The following WWOX variants were observed in gnomAD, a reference collection of about 807,000 sequenced individuals.
WWOX encodes the protein WW domain containing oxidoreductase.
In WWOX, 69 loss-of-function variants were observed where a neutral mutation model predicts 46.2. The observed-to-expected ratio is 1.49, with a 90% CI of 1.23 to 1.82. WWOX has a LOEUF of 1.82. Ranked by LOEUF, WWOX falls within the 40% of genes most tolerant of loss-of-function variation. The pLI is 0.00. For synonymous variants in WWOX, 359 were observed against 202.6 expected (o/e 1.77, Z -6.56); for missense variants, 919 against 542.6 (o/e 1.69, Z -6.89).
intron 6 of WWOX, among the ~76,000 whole-genome samples, chr16:78,404,129 G>T (rs1461364222): frequency 6.6e-6 from 1 of 152,088 alleles, no homozygotes; most frequent in Admixed American, 6.6e-5. Context: ...TAAGCAAATG[G>T]TACCTAAATG....
At chr16:78,893,060 G>T (rs150801870) in intron 8 of WWOX, among the ~76,000 whole-genome samples, 1 of 152,156 alleles carries the variant, frequency 6.6e-6, no homozygotes, top group Non-Finnish European at 1.5e-5. Context: ...CGTGAGGTCA[G>T]AGGAGCACTG....
At chr16:78,643,602 C>G (rs1430689299) in intron 8 of WWOX, among the ~76,000 whole-genome samples, 4 of 152,134 alleles carry the variant, frequency 2.6e-5, no homozygotes, top group East Asian at 3.9e-4. Flanking sequence ...TAATCAGCCA[C>G]GCGCTGAATC....
intron 4 of WWOX, among the ~76,000 whole-genome samples, chr16:78,134,182 A>G (rs928470202): frequency 2.0e-5 from 3 of 152,226 alleles, no homozygotes; most frequent in African/African-American, 7.2e-5. Flanking sequence ...TAGAGTCAAC[A>G]TGCTAGCAGG....
chr16:79,054,693 C>T (rs1390515799), intron 8 of WWOX, among the ~76,000 whole-genome samples: 3 of 151,936 alleles, frequency 2.0e-5, no homozygotes, highest in East Asian at 1.9e-4. Context: ...GGCGTGGTGT[C>T]GTGTGTCTGT....
At chr16:78,913,148 A>G (rs899481832) in intron 8 of WWOX, among the ~76,000 whole-genome samples, 1 of 152,004 alleles carries the variant, frequency 6.6e-6, no homozygotes, top group Non-Finnish European at 1.5e-5. Context: ...GATTTCGATC[A>G]TGGCAGTTGC....
intron 5 of WWOX, among the ~76,000 whole-genome samples, chr16:78,314,674 C>T (rs907723205): frequency 6.8e-6 from 1 of 148,116 alleles, no homozygotes. Flanking sequence ...ACAGGCACAC[C>T]CCACCCTGCA....
Position 78,362,609 on chromosome 16 carries a change from C to T in WWOX, c.517-24251C>T, listed in dbSNP as rs556171446. ...GGGCAATGGAGCAAGACTCTATCTA[C>T]CCCCCACCCTGCAAAAAAAGAAAAG... is the stretch of plus-strand genomic sequence containing the variant. On this transcript the variant is annotated intron_variant, in intron 5 of 8. Coordinates refer to ENST00000566780, the MANE Select transcript of WWOX (RefSeq NM_016373.4). Among the ~76,000 whole-genome samples the T allele has an allele frequency of 2.6e-5, 4 of 151,818 alleles. No individual in the cohort carries two copies. In the South Asian group the frequency reaches 8.3e-4, roughly 32 times the overall value.
Position 78,343,350 on chromosome 16 carries a change from C to T in WWOX, c.517-43510C>T, listed in dbSNP as rs532518934. 2.5e-5 allele frequency among the ~76,000 whole-genome samples: 3 copies of T among 121,452 alleles called. 1 individual carries two copies. The highest frequency in any genetic ancestry group is 1.9e-4 in the East Asian group (1 of 5,180). The allele number at this position is 121,452 out of a possible 152,430, so 79.7% of individuals were successfully genotyped here. On this transcript the variant is annotated intron_variant, in intron 5 of 8. Coordinates refer to ENST00000566780, the MANE Select transcript of WWOX (RefSeq NM_016373.4). ...CCTACTTGCTTCTAGGCACATTAAA[C>T]GGTCAGTGCACAGGTCCTCATTTTT... is the stretch of plus-strand genomic sequence containing the variant.
At chr16:78,526,822 G>A (rs538664845) in intron 8 of WWOX, among the ~76,000 whole-genome samples, 2 of 152,278 alleles carry the variant, frequency 1.3e-5, no homozygotes, top group South Asian at 2.1e-4. Context: ...GTGATCTTGA[G>A]GGGGGTCTGG....
chr16:78,197,085 G>A (rs75166809), intron 5 of WWOX, among the ~76,000 whole-genome samples: 5,829 of 152,234 alleles, frequency 0.038, 185 homozygotes, highest in East Asian at 0.17. Flanking sequence ...CACCAGACTC[G>A]TATCAGCCAC....
intron 8 of WWOX, among the ~76,000 whole-genome samples, chr16:78,931,468 C>T (rs573462954): frequency 6.6e-6 from 1 of 152,166 alleles, no homozygotes; most frequent in South Asian, 2.1e-4. Context: ...TCTGCATAGT[C>T]AGCAGATTTT....
rs1048033956 is a variant in WWOX, at chr16:78,899,808, C to T, written c.1057-311800C>T. ...AAAATCTTTTATATTTGTGTTGTAG[C>T]TTGGAAAACTAGCGCGTGGTCTGTT... On this transcript the variant is annotated intron_variant, in intron 8 of 8. Coordinates refer to ENST00000566780, the MANE Select transcript of WWOX (RefSeq NM_016373.4). 1.4e-4 allele frequency among the ~76,000 whole-genome samples: 21 copies of T among 152,154 alleles called. 1 individual carries two copies. Among genetic ancestry groups the T allele is most frequent in the Admixed American group, 1.2e-3 (19 of 15,270 alleles).
At chr16:78,970,471 C>G (rs140858056) in intron 8 of WWOX, among the ~76,000 whole-genome samples, 121 of 152,264 alleles carry the variant, frequency 7.9e-4, no homozygotes, top group African/African-American at 2.4e-3. Context: ...ATTTGGGGAA[C>G]CTGGTACTAC....
intron 5 of WWOX, among the ~76,000 whole-genome samples, chr16:78,343,636 G>GTATT (rs1286647491): frequency 8.3e-6 from 1 of 120,866 alleles, no homozygotes; most frequent in Non-Finnish European, 2.0e-5. Flanking sequence ...TTCATGGACA[G>GTATT]TATTTTAGTA....
At position 78,463,089 on chromosome 16, in the gene WWOX, C is replaced by T. The variant is rs557758159; in HGVS notation, c.1056+30337C>T. 2.2e-3 allele frequency among the ~76,000 whole-genome samples: 335 copies of T among 152,278 alleles called. 1 individual carries two copies. Among genetic ancestry groups the T allele is most frequent in the Non-Finnish European group, 3.3e-3 (222 of 68,028 alleles). On this transcript the variant is annotated intron_variant, in intron 8 of 8. Transcript: ENST00000566780. ...CTGAGGCAGGGGCAGGTCTTTGTTT[C>T]ATGTCAGATCCGTATCCCACTGCAA... is the stretch of plus-strand genomic sequence containing the variant.
chr16:78,426,049 A>T (rs2083070203), intron 7 of WWOX, among the ~76,000 whole-genome samples: 1 of 152,212 alleles, frequency 6.6e-6, no homozygotes, highest in Non-Finnish European at 1.5e-5. Flanking sequence ...TATAAGTGAC[A>T]CACTGCAGAT....
chr16:78,871,039 T>C (rs1010967298), intron 8 of WWOX, among the ~76,000 whole-genome samples: 3 of 152,230 alleles, frequency 2.0e-5, no homozygotes, highest in Non-Finnish European at 2.9e-5. Flanking sequence ...AATTAATTTC[T>C]CGAGGTAAAA....
chr16:78,860,869 C>T (rs1286632836), intron 8 of WWOX, among the ~76,000 whole-genome samples: 1 of 152,166 alleles, frequency 6.6e-6, no homozygotes, highest in African/African-American at 2.4e-5. Context: ...TAGGGTCTCA[C>T]TCTGTCACCC....
At chr16:78,250,147 C>T (rs148329863) in intron 5 of WWOX, among the ~76,000 whole-genome samples, 9 of 152,286 alleles carry the variant, frequency 5.9e-5, no homozygotes, top group African/African-American at 9.6e-5. Context: ...ATTTGTGTAA[C>T]AGTAGTAATC....
Sources: gnomAD v4.1 joint callset for allele counts (sites outside exome capture counted in the v4.1 genomes callset) on GRCh38, gnomAD v4.1.1 for gene constraint, MANE v1.5 for transcripts, NCBI Gene and HGNC (gene_info 2026-07-23, HGNC 2026-07-21) for gene names.